Variants in BCAT1 observed in about 807,000 individuals in gnomAD.
BCAT1 encodes branched chain amino acid transaminase 1.
Under a neutral mutation model 52.4 loss-of-function variants are expected in BCAT1, and 48 were observed. The observed-to-expected ratio is 0.92, with a 90% confidence interval of 0.73 to 1.16. The LOEUF is 1.16. Among genes scored for constraint, BCAT1 ranks in the 50% most tolerant of loss-of-function variants. The pLI, the probability that BCAT1 is intolerant of heterozygous loss-of-function variation, is 0.00. For missense variants in BCAT1, 451 were observed against 457.1 expected, an observed-to-expected ratio of 0.99 and a Z score of 0.12; for synonymous variants, 167 against 161.3, an observed-to-expected ratio of 1.04 and a Z score of -0.27.
intron 1 of BCAT1, among the ~76,000 whole-genome samples, chr12:24,916,592 C>T (rs1411403052): frequency 6.6e-6 from 1 of 152,124 alleles, no homozygotes; most frequent in African/African-American, 2.4e-5. Context: ...TAGGCTGGAG[C>T]GCAGTGGTGC....
intron 7 of BCAT1, among the ~76,000 whole-genome samples, chr12:24,839,143 G>C (rs998537706): frequency 4.6e-5 from 7 of 152,200 alleles, no homozygotes; most frequent in African/African-American, 1.7e-4. Flanking sequence ...TACACAGGGG[G>C]AAACAAAGAA....
At chr12:24,863,521 T>C (rs1941912430) in intron 5 of BCAT1, among the ~76,000 whole-genome samples, 1 of 152,224 alleles carries the variant, frequency 6.6e-6, no homozygotes, top group African/African-American at 2.4e-5. Flanking sequence ...AAATACAGGT[T>C]GGCAAATTTG....
chr12:24,878,132 C>T (rs949228220), intron 5 of BCAT1, among the ~76,000 whole-genome samples: 1 of 145,616 alleles, frequency 6.9e-6, no homozygotes, highest in African/African-American at 2.6e-5. Context: ...CCAGCCTAAG[C>T]GACAACGTGG....
At chr12:24,941,782 G>A (rs1943852855) in intron 1 of BCAT1, among the ~76,000 whole-genome samples, 2 of 152,064 alleles carry the variant, frequency 1.3e-5, no homozygotes, top group Admixed American at 1.3e-4. Flanking sequence ...CCCACCTTTC[G>A]CCCATGTTCA....
At chr12:24,835,449 T>A (rs1302160180) in intron 8 of BCAT1, among the ~76,000 whole-genome samples, 1 of 152,216 alleles carries the variant, frequency 6.6e-6, no homozygotes, top group East Asian at 1.9e-4. Context: ...AACACCTGGG[T>A]CAAAAGTTCC....
chr12:24,940,796 G>T (rs564361177), intron 1 of BCAT1, among the ~76,000 whole-genome samples: 1 of 152,162 alleles, frequency 6.6e-6, no homozygotes, highest in Non-Finnish European at 1.5e-5. Flanking sequence ...CATTTAAATG[G>T]AATAGAACTG....
At chr12:24,902,162 A>G in intron 1 of BCAT1, 1 of 1,437,468 alleles carries the variant, frequency 7.0e-7, no homozygotes, top group Non-Finnish European at 9.1e-7. Context: ...TCAGCCCTAC[A>G]GAGCCAGGGT....
At chr12:24,910,843 G>A (rs536859809) in intron 1 of BCAT1, among the ~76,000 whole-genome samples, 1 of 152,244 alleles carries the variant, frequency 6.6e-6, no homozygotes. Context: ...AGTGGCACAC[G>A]CCTGTAATCC....
rs768228656 is a variant in BCAT1, at chr12:24,861,513, AT to A, written c.511-11565del. On this transcript the variant is annotated intron_variant, in intron 5 of 10. Transcript: ENST00000261192. ...TTTTGTGAGAACTCGGGAGTTAGGA[AT>A]GGCCTTCACCATACTGATGCTTTCT... is the stretch of plus-strand genomic sequence containing the variant. Among the ~76,000 whole-genome samples, 58 of 152,176 alleles carry A rather than the reference AT, an allele frequency of 3.8e-4. 1 individual carries two copies. Among genetic ancestry groups the A allele is most frequent in the Non-Finnish European group, 2.8e-4 (19 of 68,030 alleles).
chr12:24,933,986 C>T (rs901887872), intron 1 of BCAT1, among the ~76,000 whole-genome samples: 1 of 152,082 alleles, frequency 6.6e-6, no homozygotes, highest in African/African-American at 2.4e-5. Context: ...ACCAGCTTGT[C>T]TGCTCCTTAC....
chr12:24,906,826 T>C (rs1386475892), intron 1 of BCAT1, among the ~76,000 whole-genome samples: 1 of 152,222 alleles, frequency 6.6e-6, no homozygotes, highest in East Asian at 1.9e-4. Context: ...CCAAATACCC[T>C]GACAGTTGCC....
intron 1 of BCAT1, among the ~76,000 whole-genome samples, chr12:24,913,463 T>G (rs928318421): frequency 1.3e-5 from 2 of 152,200 alleles, no homozygotes; most frequent in Non-Finnish European, 1.5e-5. Flanking sequence ...GATGGTAGTT[T>G]GGCTGTCTGA....
chr12:24,826,398 T>C (rs1566556259), intron 10 of BCAT1, among the ~76,000 whole-genome samples: 2 of 152,272 alleles, frequency 1.3e-5, no homozygotes, highest in Admixed American at 6.5e-5. Flanking sequence ...AAGACTGTCT[T>C]CCCCGTTACA....
chr12:24,928,702 T>TG (rs1943632368), intron 1 of BCAT1, among the ~76,000 whole-genome samples: 1 of 119,898 alleles, frequency 8.3e-6, no homozygotes, highest in African/African-American at 3.6e-5. Flanking sequence ...CAGTGTGAAA[T>TG]GTTTGTTGTT....
chr12:24,864,566 G>A (rs773294425), intron 5 of BCAT1, among the ~76,000 whole-genome samples: 1 of 152,144 alleles, frequency 6.6e-6, no homozygotes, highest in Non-Finnish European at 1.5e-5. Flanking sequence ...TGATAGGAAT[G>A]TGAGAAATCT....
At chr12:24,929,062 G>A (rs1283033467) in intron 1 of BCAT1, among the ~76,000 whole-genome samples, 1 of 152,034 alleles carries the variant, frequency 6.6e-6, no homozygotes, top group Non-Finnish European at 1.5e-5. Context: ...CTCCCAGCCC[G>A]TGAAATGTTA....
In BCAT1 at chr12:24,812,790, A is replaced by T. The variant is rs1386830802; in HGVS notation, c.*5218T>A. ...AGAATCCAATAGTGAGCAACAGGAAACCTAGCCATTGTGATAGTGGATATG... is the reference window on the plus strand; with the variant it reads ...AGAATCCAATAGTGAGCAACAGGAATCCTAGCCATTGTGATAGTGGATATG... On this transcript the variant is annotated 3_prime_UTR_variant, in exon 11 of 11. Transcript: ENST00000261192. The T allele has an allele frequency of 6.6e-6, 1 of 151,998 alleles. No individual in the cohort carries two copies. Among genetic ancestry groups the T allele is most frequent in the Non-Finnish European group, 1.5e-5 (1 of 67,884 alleles). 9.4% of individuals were successfully genotyped at this position (151,998 alleles called of 1,614,324 possible). A position where few individuals can be genotyped will look rare whatever the true frequency, so the allele number is the denominator to read the frequency against.
At chr12:24,860,718 C>T (rs1941829474) in intron 5 of BCAT1, among the ~76,000 whole-genome samples, 2 of 152,174 alleles carry the variant, frequency 1.3e-5, no homozygotes, top group African/African-American at 4.8e-5. Context: ...TGGCCTCATA[C>T]CTTGTCTATT....
At chr12:24,915,358 T>C (rs958737350) in intron 1 of BCAT1, among the ~76,000 whole-genome samples, 2 of 152,176 alleles carry the variant, frequency 1.3e-5, no homozygotes, top group African/African-American at 2.4e-5. Flanking sequence ...AAAAATTAAA[T>C]ATCTTGGTGG....
Sources: allele counts gnomAD v4.1 joint callset (sites outside exome capture counted in the v4.1 genomes callset), GRCh38; gene constraint gnomAD v4.1.1; transcripts MANE v1.5; gene names NCBI Gene and HGNC (gene_info 2026-07-23, HGNC 2026-07-21).